CD1B: variants seen among roughly 807,000 people sequenced by gnomAD.
CD1B encodes CD1b molecule, also known as T-cell surface glycoprotein CD1b.
In CD1B, 43 loss-of-function variants were observed where a neutral mutation model predicts 39.8. That is an observed-to-expected ratio of 1.08 (90% CI 0.85 to 1.39). The LOEUF (loss-of-function observed/expected upper bound fraction) is 1.39. Ranked by LOEUF, CD1B falls within the 40% of genes most tolerant of loss-of-function variation. The pLI is 0.00. For synonymous variants in CD1B, 192 were observed against 152.5 expected, an observed-to-expected ratio of 1.26 and a Z score of -1.91; for missense variants, 495 against 403.8, an observed-to-expected ratio of 1.23 and a Z score of -1.94.
At chr1:158,316,404 A>G in the CD1B span, among the ~76,000 whole-genome samples, 1 of 151,700 alleles carries the variant, frequency 6.6e-6, no homozygotes, top group South Asian at 2.1e-4. Context: ...TAGGTATTTT[A>G]TTCTCTTTAA....
the CD1B span, among the ~76,000 whole-genome samples, chr1:158,306,662 T>C: frequency 6.6e-6 from 1 of 152,298 alleles, no homozygotes; most frequent in Non-Finnish European, 1.5e-5. Flanking sequence ...TATTCCAAAA[T>C]TGACCACATA....
chr1:158,306,580 C>T, the CD1B span, among the ~76,000 whole-genome samples: 1 of 152,114 alleles, frequency 6.6e-6, no homozygotes, highest in South Asian at 2.1e-4. Flanking sequence ...CCAAGTGGAC[C>T]TAATAGACAT....
downstream of CD1B, among the ~76,000 whole-genome samples, chr1:158,323,604 G>T (rs1652260727): frequency 6.6e-6 from 1 of 152,208 alleles, no homozygotes; most frequent in South Asian, 2.1e-4. Flanking sequence ...AGTCTTCACA[G>T]TCTGGCTTTG....
chr1:158,316,897 C>T, the CD1B span, among the ~76,000 whole-genome samples: 2 of 151,952 alleles, frequency 1.3e-5, no homozygotes, highest in African/African-American at 4.8e-5. Context: ...AAGGTCTTTT[C>T]TGCATCTATT....
At chr1:158,301,113 C>T in the CD1B span, among the ~76,000 whole-genome samples, 18 of 151,626 alleles carry the variant, frequency 1.2e-4, no homozygotes, top group African/African-American at 4.8e-5. Flanking sequence ...GATTGCAACC[C>T]CTGCTTTTTT....
the CD1B span, among the ~76,000 whole-genome samples, chr1:158,302,787 A>G: frequency 1.3e-5 from 2 of 152,194 alleles, no homozygotes; most frequent in East Asian, 1.9e-4. Flanking sequence ...TTGAATCAGT[A>G]ATAAAAAGGT....
Position 158,330,019 on chromosome 1 carries a change from G to C in CD1B, c.440C>G (p.Ala147Gly). The change falls in exon 3 of 6, where the codon GCT becomes GGT. Residue 147 changes from alanine to glycine, a missense_variant. Physicochemically the swap from Ala to Gly is moderately conservative, Grantham distance 60 (BLOSUM62 0). Transcript: ENST00000368168. ...GGLDFLSVKN[A>G]SCVPSPEGGS... ...ACCTTCTGGGGAAGGCACACATGAA[G>C]CATTCTTGACACTCAGGAAATCCAA... The C allele has an allele frequency of 6.2e-7, 1 of 1,614,030 alleles. No individual in the cohort carries two copies. Among genetic ancestry groups the C allele is most frequent in the South Asian group, 1.1e-5 (1 of 91,074 alleles).
chr1:158,306,360 A>C, the CD1B span, among the ~76,000 whole-genome samples: 1 of 152,232 alleles, frequency 6.6e-6, no homozygotes, highest in Admixed American at 6.5e-5. Flanking sequence ...TAAAGGGATC[A>C]ATTCAGCAAG....
At chr1:158,324,799 C>A (rs1015162651), downstream of CD1B, among the ~76,000 whole-genome samples, 12 of 152,020 alleles carry the variant, frequency 7.9e-5, no homozygotes, top group Non-Finnish European at 1.5e-4. Context: ...TCGGCAAGAA[C>A]CTTGAGCAAC....
downstream of CD1B, among the ~76,000 whole-genome samples, chr1:158,326,915 G>T (rs1459949568): frequency 6.6e-6 from 1 of 152,052 alleles, no homozygotes; most frequent in Non-Finnish European, 1.5e-5. Flanking sequence ...TCCTGCCTCA[G>T]CCTTCCAAGT....
the CD1B span, among the ~76,000 whole-genome samples, chr1:158,310,289 T>A: frequency 1.3e-5 from 2 of 152,068 alleles, no homozygotes; most frequent in South Asian, 2.1e-4. Context: ...AAAATTTACA[T>A]CTTCCTTTCA....
At chr1:158,324,628 A>C (rs1375551876), downstream of CD1B, among the ~76,000 whole-genome samples, 1 of 152,140 alleles carries the variant, frequency 6.6e-6, no homozygotes, top group East Asian at 1.9e-4. Context: ...GCTTGTGATG[A>C]TATTTATCCT....
At chr1:158,322,864 G>T in the CD1B span, among the ~76,000 whole-genome samples, 1 of 152,118 alleles carries the variant, frequency 6.6e-6, no homozygotes, top group Non-Finnish European at 1.5e-5. Flanking sequence ...AAAGTCTGCT[G>T]CCAGGCATAT....
the CD1B span, chr1:158,292,589 T>C: frequency 6.2e-7 from 1 of 1,611,450 alleles, no homozygotes; most frequent in Admixed American, 1.7e-5. Flanking sequence ...TTTTCTGCTC[T>C]CTGCAGTGAG....
the CD1B span, among the ~76,000 whole-genome samples, chr1:158,285,995 C>A: frequency 2.6e-5 from 4 of 151,836 alleles, no homozygotes; most frequent in African/African-American, 9.7e-5. Flanking sequence ...GGGGTGGGAA[C>A]ATGACACTGG....
At chr1:158,293,647 T>C in the CD1B span, 1 of 1,506,208 alleles carries the variant, frequency 6.6e-7, no homozygotes, top group South Asian at 1.2e-5. Flanking sequence ...TCTTGGAATC[T>C]CCACTTTTTA....
the CD1B span, among the ~76,000 whole-genome samples, chr1:158,294,645 T>C: frequency 6.6e-6 from 1 of 152,194 alleles, no homozygotes; most frequent in Non-Finnish European, 1.5e-5. Flanking sequence ...TAACCCCTCA[T>C]ACCTGTTTGT....
the CD1B span, among the ~76,000 whole-genome samples, chr1:158,317,264 A>G: frequency 6.6e-6 from 1 of 152,188 alleles, no homozygotes; most frequent in East Asian, 1.9e-4. Flanking sequence ...TACCTCTGGT[A>G]GAATTCGGCT....
chr1:158,303,707 G>T, the CD1B span, among the ~76,000 whole-genome samples: 2 of 152,148 alleles, frequency 1.3e-5, no homozygotes, highest in Middle Eastern at 6.8e-3. Flanking sequence ...TAGGAATATA[G>T]CTAACCAAGA....
Sources: allele counts gnomAD v4.1 joint callset (sites outside exome capture counted in the v4.1 genomes callset), GRCh38; gene constraint gnomAD v4.1.1; transcripts MANE v1.5; gene names NCBI Gene and HGNC (gene_info 2026-07-23, HGNC 2026-07-21).